Variants in CNOT11 observed in about 807,000 individuals in gnomAD.
The protein encoded by CNOT11 is CCR4-NOT transcription complex subunit 11, also known as UPF0760 protein C2orf29.
CNOT11 carries 18 observed loss-of-function variants against 44.6 expected under a neutral mutation model. The ratio of observed to expected loss-of-function variants is 0.40; its 90% CI spans 0.28 to 0.60. The LOEUF (loss-of-function observed/expected upper bound fraction) is 0.60, where lower values mean the gene tolerates loss of function less well. Ranked by LOEUF, CNOT11 falls within the 20% of genes least tolerant of loss-of-function variation. The probability of loss-of-function intolerance (pLI) is 0.38; values close to 1 mark genes in which losing one functional copy is unlikely to be tolerated. For missense variants in CNOT11, 513 were observed against 677.0 expected, an observed-to-expected ratio of 0.76 and a Z score of 2.69; for synonymous variants, 291 against 270.9, an observed-to-expected ratio of 1.07 and a Z score of -0.73.
In CNOT11 at chr2:101,253,370, C is replaced by G; in HGVS notation, c.406C>G (p.Arg136Gly). 6.3e-7 allele frequency: 1 copy of G among 1,595,086 alleles called. No individual in the cohort carries two copies. Residue 136 changes from arginine to glycine, a missense_variant, in exon 1 of 7, where the codon CGC becomes GGC. Physicochemically the swap from Arg to Gly is moderately radical, Grantham distance 125. Coordinates refer to ENST00000289382, the MANE Select transcript of CNOT11 (RefSeq NM_017546.5). This position sits in a 1 kb window ranked among gnomAD's most constrained non-coding sequence, Gnocchi z 4.3. Reference protein sequence around the residue: ...TALYLLWEMYRTEPLAANPFA... With the variant: ...TALYLLWEMYGTEPLAANPFA... The stretch of plus-strand genomic sequence containing the variant: ...GCTCTACCTGCTCTGGGAGATGTAC[C>G]GCACCGAGCCGCTGGCCGCCAACCC...
intron 4 of CNOT11, 65 bp downstream of exon 4, chr2:101,265,112 T>G: frequency 8.1e-7 from 1 of 1,230,334 alleles, no homozygotes; most frequent in Non-Finnish European, 1.1e-6. Context: ...TAAAAAAATT[T>G]GTTTTTGAGA....
chr2:101,253,245 A>T lies in CNOT11; in HGVS notation c.281A>T (p.His94Leu), dbSNP rs1027327665. The change falls in exon 1 of 7, where the codon CAC becomes CTC. Residue 94 changes from histidine (H) to leucine (L), a missense_variant. Physicochemically the swap from His to Leu is moderately conservative, Grantham distance 99 (BLOSUM62 -3). Transcript: ENST00000289382. This position sits in a 1 kb window ranked among gnomAD's most constrained non-coding sequence, Gnocchi z 4.3. ...GAGGGCCTGTCCACCGCCTTCCACC[A>T]CTACTTCAGCAAGGCCGACCACTTC... is the stretch of plus-strand genomic sequence containing the variant. Reference protein sequence around the residue: ...TFEGLSTAFHHYFSKADHFRL... With the variant: ...TFEGLSTAFHLYFSKADHFRL... 1.2e-6 allele frequency: 2 copies of T among 1,611,664 alleles called. No homozygotes were observed. Among genetic ancestry groups the T allele is most frequent in the Admixed American group, 3.3e-5 (2 of 59,964 alleles).
intron 1 of CNOT11, among the ~76,000 whole-genome samples, chr2:101,257,122 G>A (rs1372162770): frequency 6.6e-6 from 1 of 151,992 alleles, no homozygotes; most frequent in Non-Finnish European, 1.5e-5. Context: ...GCGGGGCACG[G>A]TGACTCATGC....
rs1463712268 is a variant in CNOT11, at chr2:101,269,708, A to G, written c.*295A>G. The G allele has an allele frequency of 2.3e-5, 6 of 260,406 alleles. No individual in the cohort carries two copies. The East Asian group carries it at 4.5e-4, about 20-fold the overall frequency. The allele number at this position is 260,406 out of a possible 1,614,324, so 16.1% of individuals were successfully genotyped here. On this transcript the variant is annotated 3_prime_UTR_variant, in exon 7 of 7. Coordinates refer to ENST00000289382, the MANE Select transcript of CNOT11 (RefSeq NM_017546.5). This position sits in a 1 kb window ranked among gnomAD's most constrained non-coding sequence, Gnocchi z 4.8. ...AGTTTCTTTTTTTTTTAAGCACTAA[A>G]GAACAAAATGCATTTTTCATTAATA...
In CNOT11 at chr2:101,269,777, A is replaced by G. The variant is rs575193203; in HGVS notation, c.*364A>G. 7 of 175,856 alleles carry G rather than the reference A, an allele frequency of 4.0e-5. No individual in the cohort carries two copies. Among genetic ancestry groups the G allele is most frequent in the East Asian group, 3.2e-4 (2 of 6,296 alleles). 10.9% of individuals were successfully genotyped at this position (175,856 alleles called of 1,614,324 possible). On this transcript the variant is annotated 3_prime_UTR_variant, in exon 7 of 7. Coordinates refer to ENST00000289382, the MANE Select transcript of CNOT11 (RefSeq NM_017546.5). This position sits in a 1 kb window ranked among gnomAD's most constrained non-coding sequence, Gnocchi z 4.8. ...GGAATCCTGTTTTCGTAAAGTTCCA[A>G]TGTTGATGAGAGTAAATTCTTAAGC...
chr2:101,268,413 A>G (rs1054898238), intron 5 of CNOT11, among the ~76,000 whole-genome samples: 2 of 152,214 alleles, frequency 1.3e-5, no homozygotes, highest in Non-Finnish European at 2.9e-5. Context: ...CTATCTGCTC[A>G]GTATCTTGGA....
Position 101,253,423 on chromosome 2 carries a change from C to A in CNOT11, c.459C>A (p.Leu153=). ...NPFAASFAHL[L]NPAPPARGGQ... ...TCGCCGCCAGCTTCGCGCACCTGCT[C>A]AACCCCGCGCCGCCCGCCCGCGGCG... is the stretch of plus-strand genomic sequence containing the variant. Residue 153 remains leucine, a synonymous_variant, in exon 1 of 7, where the codon CTC becomes CTA. Coordinates refer to ENST00000289382, the MANE Select transcript of CNOT11 (RefSeq NM_017546.5). The surrounding 1 kb of genome is among the most constrained non-coding windows in gnomAD (Gnocchi z 4.3). 6.4e-7 allele frequency: 1 copy of A among 1,554,324 alleles called. No individual in the cohort carries two copies. Among genetic ancestry groups the A allele is most frequent in the South Asian group, 1.2e-5 (1 of 85,032 alleles).
chr2:101,255,918 A>T (rs1025538700), intron 1 of CNOT11, among the ~76,000 whole-genome samples: 1 of 152,142 alleles, frequency 6.6e-6, no homozygotes, highest in African/African-American at 2.4e-5. Flanking sequence ...CAGGCAGATC[A>T]CTTGAGGCCA....
rs1682062345 is a variant in CNOT11, at chr2:101,269,488, G to A, written c.*75G>A. The A allele has an allele frequency of 7.5e-7, 1 of 1,329,056 alleles. No individual in the cohort carries two copies. The highest frequency in any genetic ancestry group is 1.5e-5 in the African/African-American group (1 of 68,840). 82.3% of individuals were successfully genotyped at this position (1,329,056 alleles called of 1,614,324 possible). A position where few individuals can be genotyped will look rare whatever the true frequency, so the allele number is the denominator to read the frequency against. On this transcript the variant is annotated 3_prime_UTR_variant, in exon 7 of 7. Transcript: ENST00000289382. This position sits in a 1 kb window ranked among gnomAD's most constrained non-coding sequence, Gnocchi z 4.8. ...TTAGTTTTTACACCGTTAAAACCCTGAGTGGATTGCTTGGTTTAATGCATA... is the reference window on the plus strand; with the variant it reads ...TTAGTTTTTACACCGTTAAAACCCTAAGTGGATTGCTTGGTTTAATGCATA...
chr2:101,257,465 A>G (rs975429743), intron 1 of CNOT11, among the ~76,000 whole-genome samples: 3 of 151,776 alleles, frequency 2.0e-5, no homozygotes, highest in Non-Finnish European at 4.4e-5. Context: ...GAACCTGAGA[A>G]GCACTCCTGG....
intron 2 of CNOT11, among the ~76,000 whole-genome samples, chr2:101,258,220 C>T (rs996929473): frequency 6.6e-6 from 1 of 151,858 alleles, no homozygotes; most frequent in Non-Finnish European, 1.5e-5. Context: ...ATGGTGAAAC[C>T]CTGTCTCTAC....
chr2:101,259,693 A>G (rs1218241126), intron 2 of CNOT11, among the ~76,000 whole-genome samples: 6 of 152,170 alleles, frequency 3.9e-5, no homozygotes, highest in Non-Finnish European at 1.5e-5. Flanking sequence ...GTTGCAGTAA[A>G]CAGCTTTTCC....
rs1019918576 is a variant in CNOT11 at position 101,253,502 on chromosome 2, C to T, written c.514+24C>T. 2 of 1,426,494 alleles carry T rather than the reference C, an allele frequency of 1.4e-6. No homozygotes were observed. The highest frequency in any genetic ancestry group is 1.8e-6 in the Non-Finnish European group (2 of 1,097,950). The allele number at this position is 1,426,494 out of a possible 1,614,324, so 88.4% of individuals were successfully genotyped here. ...AGGTACCTCCTGAAGCCAGCTGTGC[C>T]GTGTGGATAGCGTTAGATTCCGCAG... On this transcript the variant is annotated intron_variant, in intron 1 of 6. Transcript: ENST00000289382. This position sits in a 1 kb window ranked among gnomAD's most constrained non-coding sequence, Gnocchi z 4.3.
At chr2:101,260,836 T>C (rs1019217302) in intron 2 of CNOT11, among the ~76,000 whole-genome samples, 1 of 152,144 alleles carries the variant, frequency 6.6e-6, no homozygotes, top group Admixed American at 6.6e-5. Flanking sequence ...TTTTTTTTTT[T>C]TTCACATTTT....
chr2:101,264,098 C>G (rs1441095456), intron 3 of CNOT11, among the ~76,000 whole-genome samples: 4 of 152,082 alleles, frequency 2.6e-5, no homozygotes, highest in African/African-American at 9.7e-5. Flanking sequence ...GGCTAGGATC[C>G]ATGACAGGAA....
Position 101,269,000 on chromosome 2 carries a change from C to T in CNOT11, c.1239-40C>T, listed in dbSNP as rs751250890. On this transcript the variant is annotated intron_variant, in intron 5 of 6. Coordinates refer to ENST00000289382, the MANE Select transcript of CNOT11 (RefSeq NM_017546.5). The stretch of plus-strand genomic sequence containing the variant: ...GGTTAACAGTGTTTCTCAATGTTAG[C>T]AAATGAAATTAATGGGCCAAATTTT... 1.8e-5 allele frequency: 23 copies of T among 1,284,434 alleles called. No homozygotes were observed. In the East Asian group the frequency reaches 5.3e-4, roughly 30 times the overall value. The allele number at this position is 1,284,434 out of a possible 1,614,324, so 79.6% of individuals were successfully genotyped here.
Position 101,269,475 on chromosome 2 carries a change from C to A in CNOT11, c.*62C>A. The A allele has an allele frequency of 7.1e-7, 1 of 1,403,132 alleles. No homozygotes were observed. Among genetic ancestry groups the A allele is most frequent in the Non-Finnish European group, 1.0e-6 (1 of 998,514 alleles). The allele number at this position is 1,403,132 out of a possible 1,614,324, so 86.9% of individuals were successfully genotyped here. ...GCTGTACTGTGATTTAGTTTTTACACCGTTAAAACCCTGAGTGGATTGCTT... is the reference window on the plus strand; with the variant it reads ...GCTGTACTGTGATTTAGTTTTTACAACGTTAAAACCCTGAGTGGATTGCTT... On this transcript the variant is annotated 3_prime_UTR_variant, in exon 7 of 7. Coordinates refer to ENST00000289382, the MANE Select transcript of CNOT11 (RefSeq NM_017546.5). The surrounding 1 kb of genome is among the most constrained non-coding windows in gnomAD (Gnocchi z 4.8).
rs536000399 is a variant in CNOT11 at position 101,267,249 on chromosome 2, A to G, written c.1238+370A>G. On this transcript the variant is annotated intron_variant, in intron 5 of 6. Coordinates refer to ENST00000289382, the MANE Select transcript of CNOT11 (RefSeq NM_017546.5). ...GCAATTCTCCTGCCTTAGCCGCCCTAGTAGCTGGCATTACAGGTGTGTGCT... is the reference window on the plus strand; with the variant it reads ...GCAATTCTCCTGCCTTAGCCGCCCTGGTAGCTGGCATTACAGGTGTGTGCT... 5.3e-5 allele frequency among the ~76,000 whole-genome samples: 8 copies of G among 152,164 alleles called. No individual in the cohort carries two copies. The South Asian group carries it at 1.2e-3, about 24-fold the overall frequency.
In CNOT11 at chr2:101,253,055, A is replaced by G. The variant is rs1573194797; in HGVS notation, c.91A>G (p.Arg31Gly). The change falls in exon 1 of 7, where the codon AGG becomes GGG. Residue 31 changes from arginine to glycine, a missense_variant. Transcript: ENST00000289382. This position sits in a 1 kb window ranked among gnomAD's most constrained non-coding sequence, Gnocchi z 4.3. Reference protein sequence around the residue: ...GSREAAGSASRSGFGGSGGGR... With the variant: ...GSREAAGSASGSGFGGSGGGR... Reference sequence around the variant, plus strand: ...CCGGGAAGCGGCAGGGTCGGCGTCCAGGAGCGGCTTCGGGGGCTCCGGCGG... The same window carrying G: ...CCGGGAAGCGGCAGGGTCGGCGTCCGGGAGCGGCTTCGGGGGCTCCGGCGG... 6.6e-7 allele frequency: 1 copy of G among 1,517,436 alleles called. No homozygotes were observed. The highest frequency in any genetic ancestry group is 1.2e-5 in the South Asian group (1 of 82,348). The allele number at this position is 1,517,436 out of a possible 1,614,324, so 94.0% of individuals were successfully genotyped here. A position where few individuals can be genotyped will look rare whatever the true frequency, so the allele number is the denominator to read the frequency against.
Sources: allele counts gnomAD v4.1 joint callset (sites outside exome capture counted in the v4.1 genomes callset), GRCh38; gene constraint gnomAD v4.1.1; non-coding constraint Gnocchi (gnomAD v3.1); transcripts MANE v1.5; gene names NCBI Gene and HGNC (gene_info 2026-07-23, HGNC 2026-07-21).